Variants in AGBL4 observed in about 807,000 individuals in gnomAD.
The protein encoded by AGBL4 is cytosolic carboxypeptidase 6.
Under a neutral mutation model 66.4 loss-of-function variants are expected in AGBL4, and 58 were observed. The observed-to-expected ratio is 0.87, with a 90% confidence interval of 0.71 to 1.09. The LOEUF (loss-of-function observed/expected upper bound fraction) is 1.09, where lower values mean the gene tolerates loss of function less well. AGBL4 is among the 50% of genes least tolerant of loss of function. The pLI, the probability that AGBL4 is intolerant of heterozygous loss-of-function variation, is 0.00. For missense variants in AGBL4, 579 were observed against 631.0 expected (o/e 0.92, Z 0.88); for synonymous variants, 234 against 222.9 (o/e 1.05, Z -0.44).
chr1:49,983,713 A>T (rs1291027329), intron 1 of AGBL4, among the ~76,000 whole-genome samples: 2 of 152,200 alleles, frequency 1.3e-5, no homozygotes, highest in Non-Finnish European at 2.9e-5. Flanking sequence ...GATCATGAAC[A>T]TTTTTTTGAT....
chr1:48,685,447 A>G, intron 6 of AGBL4, among the ~76,000 whole-genome samples: 1 of 151,394 alleles, frequency 6.6e-6, no homozygotes, highest in East Asian at 2.0e-4. Flanking sequence ...AGGAGTCATG[A>G]CCCCCCCATA....
chr1:49,913,394 C>A (rs1174229200), intron 1 of AGBL4, among the ~76,000 whole-genome samples: 2 of 152,256 alleles, frequency 1.3e-5, no homozygotes, highest in Non-Finnish European at 2.9e-5. Context: ...AATTTTAAAG[C>A]TGAAGAATAA....
chr1:49,304,171 G>A (rs1557823405), intron 3 of AGBL4, among the ~76,000 whole-genome samples: 1 of 152,108 alleles, frequency 6.6e-6, no homozygotes, highest in Non-Finnish European at 1.5e-5. Context: ...TGTAAGGAAG[G>A]AGTCCAGTTT....
chr1:48,987,396 A>G lies in AGBL4; in HGVS notation c.594+58188T>C, dbSNP rs150300421. Among the ~76,000 whole-genome samples the G allele has an allele frequency of 4.4e-4, 67 of 152,180 alleles. 1 individual carries two copies. In the South Asian group the frequency reaches 9.3e-3, roughly 21 times the overall value. On this transcript the variant is annotated intron_variant, in intron 5 of 13. Coordinates refer to ENST00000371839, the MANE Select transcript of AGBL4 (RefSeq NM_032785.4). ...TAATATCAGATTAAGTAGACTTTAG[A>G]GCAAAGAATATTACCAGGGATAAAG...
chr1:48,673,765 T>G (rs1646315090), intron 6 of AGBL4, among the ~76,000 whole-genome samples: 1 of 152,186 alleles, frequency 6.6e-6, no homozygotes, highest in Non-Finnish European at 1.5e-5. Context: ...GGGTCAGTCA[T>G]GAGGGAGAAA....
intron 6 of AGBL4, among the ~76,000 whole-genome samples, chr1:48,679,701 GTTC>G (rs1041844166): frequency 2.0e-5 from 3 of 152,360 alleles, no homozygotes; most frequent in South Asian, 4.1e-4. Context: ...CAAGCACTGA[GTTC>G]TTCTGCTCCT....
intron 5 of AGBL4, among the ~76,000 whole-genome samples, chr1:48,931,594 A>T (rs1344682015): frequency 2.6e-5 from 4 of 152,004 alleles, no homozygotes; most frequent in African/African-American, 9.7e-5. Flanking sequence ...ATCATGACTA[A>T]CTGCAGCCTT....
chr1:49,084,599 C>T (rs952011145), intron 4 of AGBL4, among the ~76,000 whole-genome samples: 1 of 152,102 alleles, frequency 6.6e-6, no homozygotes, highest in Non-Finnish European at 1.5e-5. Context: ...CTGGCCCTGC[C>T]CTTGACACAT....
At chr1:49,245,981 T>C in intron 3 of AGBL4, 117 bp from the exon 4 acceptor site, 2 of 713,538 alleles carry the variant, frequency 2.8e-6, no homozygotes, top group Admixed American at 4.7e-5. Context: ...AGCAGGCAAC[T>C]GTATAGTGAG....
At chr1:48,786,831 TAG>T (rs35781124) in intron 6 of AGBL4, among the ~76,000 whole-genome samples, 32,009 of 151,768 alleles carry the variant, frequency 0.21, 4,363 homozygotes, top group East Asian at 0.47. Context: ...GACAACTGGA[TAG>T]CCCCAGTCAG....
intron 1 of AGBL4, among the ~76,000 whole-genome samples, chr1:49,878,126 AT>A (rs1290840566): frequency 6.9e-6 from 1 of 145,164 alleles, no homozygotes; most frequent in Non-Finnish European, 1.5e-5. Flanking sequence ...GGATTCACTG[AT>A]TTTTTGAAGG....
At chr1:49,617,409 T>C (rs1421315396) in intron 3 of AGBL4, among the ~76,000 whole-genome samples, 3 of 152,188 alleles carry the variant, frequency 2.0e-5, no homozygotes, top group African/African-American at 7.2e-5. Flanking sequence ...ACTGGACTAT[T>C]ATTCTCCATA....
intron 6 of AGBL4, among the ~76,000 whole-genome samples, chr1:48,693,505 C>A (rs1348379845): frequency 6.6e-6 from 1 of 152,172 alleles, no homozygotes; most frequent in Non-Finnish European, 1.5e-5. Flanking sequence ...AAGGAAATTT[C>A]ACGGTGGCGT....
intron 6 of AGBL4, among the ~76,000 whole-genome samples, chr1:48,747,521 A>C (rs1308410744): frequency 6.6e-6 from 1 of 152,228 alleles, no homozygotes; most frequent in African/African-American, 2.4e-5. Flanking sequence ...TTCAGATTTA[A>C]CATGTGAAAC....
chr1:48,986,750 A>G (rs1557530113), intron 5 of AGBL4, among the ~76,000 whole-genome samples: 1 of 152,126 alleles, frequency 6.6e-6, no homozygotes, highest in Non-Finnish European at 1.5e-5. Flanking sequence ...TCATTTAACC[A>G]TATGAAACAA....
chr1:49,772,676 A>G (rs1426662444), intron 2 of AGBL4, among the ~76,000 whole-genome samples: 1 of 152,150 alleles, frequency 6.6e-6, no homozygotes, highest in African/African-American at 2.4e-5. Context: ...ATATCATGCT[A>G]TTCTCTGCTG....
intron 2 of AGBL4, among the ~76,000 whole-genome samples, chr1:49,805,289 C>A (rs1571605843): frequency 6.6e-6 from 1 of 152,228 alleles, no homozygotes; most frequent in Non-Finnish European, 1.5e-5. Flanking sequence ...TCAGATTTAG[C>A]AAACTGGAGG....
chr1:48,764,511 T>C (rs1386552558), intron 6 of AGBL4, among the ~76,000 whole-genome samples: 1 of 152,040 alleles, frequency 6.6e-6, no homozygotes, highest in Non-Finnish European at 1.5e-5. Flanking sequence ...TGGATCAAAA[T>C]GGTTATGAAA....
chr1:48,679,886 C>T lies in AGBL4; in HGVS notation c.635-16645G>A, dbSNP rs550715325. On this transcript the variant is annotated intron_variant, in intron 6 of 13. Transcript: ENST00000371839. ...CCTGATCTCTGCGGCCAGAGGCCGCCGTGTGTCCCAGCTCACGGTGCTTAG... is the reference window on the plus strand; with the variant it reads ...CCTGATCTCTGCGGCCAGAGGCCGCTGTGTGTCCCAGCTCACGGTGCTTAG... Among the ~76,000 whole-genome samples the T allele has an allele frequency of 1.1e-4, 17 of 152,346 alleles. No homozygotes were observed. The South Asian group carries it at 2.5e-3, about 22-fold the overall frequency.
Sources: gnomAD v4.1 joint callset for allele counts (sites outside exome capture counted in the v4.1 genomes callset) on GRCh38, gnomAD v4.1.1 for gene constraint, MANE v1.5 for transcripts, NCBI Gene and HGNC (gene_info 2026-07-23, HGNC 2026-07-21) for gene names.